Variants in BMP1 observed in about 807,000 individuals in gnomAD.
The protein encoded by BMP1 is bone morphogenetic protein 1.
BMP1 carries 63 observed loss-of-function variants against 116.8 expected under a neutral mutation model. The ratio of observed to expected loss-of-function variants is 0.54; its 90% CI spans 0.44 to 0.67. BMP1 has a LOEUF of 0.67. BMP1 is among the 30% of genes least tolerant of loss of function. The probability of loss-of-function intolerance (pLI) is 0.00; values close to 1 mark genes in which losing one functional copy is unlikely to be tolerated. For missense variants in BMP1, 1,183 were observed against 1,358.9 expected (o/e 0.87, Z 2.04); for synonymous variants, 536 against 533.4 (o/e 1.00, Z -0.07).
intron 1 of BMP1, among the ~76,000 whole-genome samples, chr8:22,172,402 A>T (rs975042941): frequency 6.6e-6 from 1 of 151,810 alleles, no homozygotes; most frequent in Non-Finnish European, 1.5e-5. Flanking sequence ...ATCCCTCCTC[A>T]GCTCCAGATA....
intron 16 of BMP1, among the ~76,000 whole-genome samples, chr8:22,202,181 A>T (rs1829279087): frequency 6.6e-6 from 1 of 152,208 alleles, no homozygotes; most frequent in South Asian, 2.1e-4. Context: ...AGACTTTTCT[A>T]GTTTGTGCTT....
Position 22,179,593 on chromosome 8 carries a change from G to T in BMP1, c.837-112G>T, listed in dbSNP as rs779492713. 3.5e-4 allele frequency: 548 copies of T among 1,582,460 alleles called. 2 individuals carry two copies. The highest frequency in any genetic ancestry group is 4.5e-4 in the Non-Finnish European group (519 of 1,162,868). ...TCCACCCGGCCCTGACCCTGCTGAG[G>T]AATGTCTGAGCTCCAGCAGGGTCGT... On this transcript the variant is annotated intron_variant, in intron 6 of 19. Coordinates refer to ENST00000306385, the MANE Select transcript of BMP1 (RefSeq NM_006129.5). This position sits in a 1 kb window ranked among gnomAD's most constrained non-coding sequence, Gnocchi z 4.6.
chr8:22,207,008 T>C (rs1476810748), intron 17 of BMP1, 27 bp downstream of exon 17: 2 of 1,612,934 alleles, frequency 1.2e-6, no homozygotes, highest in South Asian at 1.1e-5. Context: ...CCACTCCTTA[T>C]GCGGTGTGGC....
chr8:22,207,971 C>G (rs369071869), intron 18 of BMP1, among the ~76,000 whole-genome samples: 5 of 152,186 alleles, frequency 3.3e-5, no homozygotes, highest in Non-Finnish European at 5.9e-5. Flanking sequence ...GCAACCTCCA[C>G]TTCCTGGGTT....
Position 22,177,904 on chromosome 8 carries a change from G to A in BMP1, c.783G>A (p.Gly261=). Residue 261 remains glycine, a synonymous_variant, in exon 6 of 20, where the codon GGG becomes GGA. Coordinates refer to ENST00000306385, the MANE Select transcript of BMP1 (RefSeq NM_006129.5). ...AGCCTCAGGAGGTGGAGTCCCTGGGGGAGACCTATGACTTCGACAGCATCA... is the reference window on the plus strand; with the variant it reads ...AGCCTCAGGAGGTGGAGTCCCTGGGAGAGACCTATGACTTCGACAGCATCA... ...KMEPQEVESL[G]ETYDFDSIMH... is the part of the protein sequence containing the mutation. The A allele has an allele frequency of 6.2e-7, 1 of 1,613,806 alleles. No individual in the cohort carries two copies. Among genetic ancestry groups the A allele is most frequent in the East Asian group, 2.2e-5 (1 of 44,864 alleles).
rs566960023 is a variant in BMP1, at chr8:22,183,721, G to C, written c.1077+3238G>C. Among the ~76,000 whole-genome samples, 4 of 152,144 alleles carry C rather than the reference G, an allele frequency of 2.6e-5. No homozygotes were observed. The East Asian group carries it at 7.7e-4, about 29-fold the overall frequency. ...GCCTCCTGAGTAGCTGGGATTACAG[G>C]CATGTGCCACCACACCCGGCTAATT... On this transcript the variant is annotated intron_variant, in intron 8 of 19. Transcript: ENST00000306385.
chr8:22,193,113 A>G (rs1043031231), intron 9 of BMP1, among the ~76,000 whole-genome samples: 3 of 152,238 alleles, frequency 2.0e-5, no homozygotes, highest in African/African-American at 7.2e-5. Flanking sequence ...GTTGGGAAAC[A>G]CCGGCCTTAT....
intron 8 of BMP1, among the ~76,000 whole-genome samples, chr8:22,191,779 T>C (rs1331812049): frequency 6.6e-6 from 1 of 152,226 alleles, no homozygotes. Flanking sequence ...GGTTGTGTTA[T>C]CTAATTGACT....
intron 14 of BMP1, among the ~76,000 whole-genome samples, 156 bp from the exon 15 acceptor site, chr8:22,197,084 G>A (rs989739926): frequency 2.0e-5 from 3 of 152,198 alleles, no homozygotes; most frequent in African/African-American, 7.2e-5. Flanking sequence ...AGCAAGGGAA[G>A]GCTTAGGGCT....
At chr8:22,174,604 G>A (rs1828376950) in intron 2 of BMP1, among the ~76,000 whole-genome samples, 1 of 149,572 alleles carries the variant, frequency 6.7e-6, no homozygotes, top group Non-Finnish European at 1.5e-5. Flanking sequence ...CAGGGGCAGG[G>A]ATTCTTTCTT....
At chr8:22,183,239 A>G (rs1336400263) in intron 8 of BMP1, among the ~76,000 whole-genome samples, 1 of 152,190 alleles carries the variant, frequency 6.6e-6, no homozygotes, top group African/African-American at 2.4e-5. Context: ...AACATAGCGG[A>G]ACTCCATCTC....
chr8:22,194,903 C>G lies in BMP1; in HGVS notation c.1623C>G (p.Ala541=). ...GGTCCATTAACAAAGCGGGCTTTGCCGTCAACTTTTTCAAAGGTGCCTCCT... is the reference window on the plus strand; with the variant it reads ...GGTCCATTAACAAAGCGGGCTTTGCGGTCAACTTTTTCAAAGGTGCCTCCT... ...SDGSINKAGF[A]VNFFKEVDEC... Residue 541 remains alanine, a synonymous_variant, in exon 12 of 20, where the codon GCC becomes GCG. Transcript: ENST00000306385. This position sits in a 1 kb window ranked among gnomAD's most constrained non-coding sequence, Gnocchi z 4.5. 1.2e-6 allele frequency: 2 copies of G among 1,608,752 alleles called. No homozygotes were observed. The highest frequency in any genetic ancestry group is 1.7e-6 in the Non-Finnish European group (2 of 1,178,150).
At chr8:22,187,078 C>T (rs992094911) in intron 8 of BMP1, among the ~76,000 whole-genome samples, 1 of 151,848 alleles carries the variant, frequency 6.6e-6, no homozygotes, top group African/African-American at 2.4e-5. Flanking sequence ...GCAACCTCTG[C>T]ATCTCGGGTT....
At chr8:22,197,759 A>C (rs777206917) in intron 15 of BMP1, among the ~76,000 whole-genome samples, 7 of 152,228 alleles carry the variant, frequency 4.6e-5, no homozygotes, top group Non-Finnish European at 1.0e-4. Flanking sequence ...AGGAACAGGC[A>C]GTTCAAGAAC....
intron 16 of BMP1, among the ~76,000 whole-genome samples, chr8:22,206,531 A>T (rs1039041217): frequency 2.6e-5 from 4 of 151,514 alleles, no homozygotes; most frequent in African/African-American, 9.7e-5. Context: ...AAAGAAAAGA[A>T]AAATGGAGAG....
rs562090418 is a variant in BMP1, at chr8:22,211,480, A to C, written c.2827-114A>C. The C allele has an allele frequency of 2.3e-5, 33 of 1,423,650 alleles. No individual in the cohort carries two copies. In the Admixed American group the frequency reaches 4.8e-4, roughly 21 times the overall value. 88.2% of individuals were successfully genotyped at this position (1,423,650 alleles called of 1,614,324 possible). A position where few individuals can be genotyped will look rare whatever the true frequency, so the allele number is the denominator to read the frequency against. On this transcript the variant is annotated intron_variant, in intron 19 of 19. Transcript: ENST00000306385. ...GCCCTATGCTTCAAGGGGCGGGGAG[A>C]ATCTGGTGGCTGCCTGGGAGCCTCC...
intron 9 of BMP1, chr8:22,192,457 A>G (rs1018181537): frequency 3.7e-6 from 1 of 271,966 alleles, no homozygotes; most frequent in Non-Finnish European, 7.1e-6. Context: ...AGAGACAGAC[A>G]GGCTGTTCTG....
At position 22,196,759 on chromosome 8, in the gene BMP1, G is replaced by T; in HGVS notation, c.1845G>T (p.Lys615Asn). The T allele has an allele frequency of 6.2e-7, 1 of 1,613,938 alleles. No homozygotes were observed. Among genetic ancestry groups the T allele is most frequent in the South Asian group, 1.1e-5 (1 of 91,068 alleles). ...PGWPKEYPPN[K>N]NCIWQLVAPT... Reference sequence around the variant, plus strand: ...GGCCCAAGGAGTACCCCCCCAACAAGAACTGCATCTGGCAGCTGGTGGCCC... The same window carrying T: ...GGCCCAAGGAGTACCCCCCCAACAATAACTGCATCTGGCAGCTGGTGGCCC... Residue 615 changes from lysine (K) to asparagine (N), a missense_variant, in exon 14 of 20, where the codon AAG becomes AAT. Around this residue, in one of 4 missense-constraint regions of BMP1, gnomAD observed 956 missense variants for 1,135.2 expected, o/e 0.84. Transcript: ENST00000306385.
chr8:22,210,087 G>T (rs1180536599), intron 19 of BMP1, among the ~76,000 whole-genome samples: 1 of 152,264 alleles, frequency 6.6e-6, no homozygotes, highest in Non-Finnish European at 1.5e-5. Context: ...GGGACAGGGC[G>T]CCTGAGCGGA....
Sources: allele counts gnomAD v4.1 joint callset (sites outside exome capture counted in the v4.1 genomes callset), GRCh38; gene constraint gnomAD v4.1.1; regional missense constraint gnomAD v4.1.1; non-coding constraint Gnocchi (gnomAD v3.1); transcripts MANE v1.5; gene names NCBI Gene and HGNC (gene_info 2026-07-23, HGNC 2026-07-21).